SLC7A2: variants seen among roughly 807,000 people sequenced by gnomAD.
The protein encoded by SLC7A2 is cationic amino acid transporter 2.
In SLC7A2, 48 loss-of-function variants were observed where a neutral mutation model predicts 58.9. That is an observed-to-expected ratio of 0.82 (90% CI 0.65 to 1.04). SLC7A2 has a LOEUF of 1.04. Ranked by LOEUF, SLC7A2 falls within the 50% of genes least tolerant of loss-of-function variation. The probability of loss-of-function intolerance (pLI) is 0.00; values close to 1 mark genes in which losing one functional copy is unlikely to be tolerated. For synonymous variants in SLC7A2, 363 were observed against 314.5 expected (o/e 1.15, Z -1.63); for missense variants, 1,029 against 818.8 (o/e 1.26, Z -3.13).
At chr8:17,499,365 C>G (rs892708355) in intron 1 of SLC7A2, 6 of 148,978 alleles carry the variant, frequency 4.0e-5, no homozygotes, top group African/African-American at 1.5e-4. Context: ...CTCCCCCTCT[C>G]TCCCTCATTT....
chr8:17,562,979 AAAC>A (rs1803091674), intron 11 of SLC7A2, among the ~76,000 whole-genome samples: 2 of 152,060 alleles, frequency 1.3e-5, no homozygotes, highest in South Asian at 2.1e-4. Flanking sequence ...CATCTCTACA[AAAC>A]AAACAAACAA....
rs773219573 is a variant in SLC7A2, at chr8:17,543,619, C to T, written c.280C>T (p.Pro94Ser). 1.9e-6 allele frequency: 3 copies of T among 1,597,540 alleles called. No individual in the cohort carries two copies. The highest frequency in any genetic ancestry group is 2.6e-6 in the Non-Finnish European group (3 of 1,172,320). The change falls in exon 3 of 13, where the codon CCC becomes TCC. Residue 94 changes from proline (P) to serine (S), a missense_variant. Physicochemically the swap from Pro to Ser is moderately conservative, Grantham distance 74. Coordinates refer to ENST00000494857, the MANE Select transcript of SLC7A2 (RefSeq NM_001370338.1). ...CTATGCCGAATTTGGGGCCCGTGTTCCCAAGACGGGGTCTGCATATTTGTA... is the reference window on the plus strand; with the variant it reads ...CTATGCCGAATTTGGGGCCCGTGTTTCCAAGACGGGGTCTGCATATTTGTA... ...LCYAEFGARV[P>S]KTGSAYLYTY...
chr8:17,541,181 A>G (rs909926058), intron 2 of SLC7A2, among the ~76,000 whole-genome samples: 1 of 152,208 alleles, frequency 6.6e-6, no homozygotes, highest in Admixed American at 6.5e-5. Context: ...GAAGCTCAGC[A>G]TTTAGTAACT....
intron 2 of SLC7A2, among the ~76,000 whole-genome samples, chr8:17,522,267 G>C (rs1801044378): frequency 6.6e-6 from 1 of 152,100 alleles, no homozygotes. Flanking sequence ...AATCTCGTGA[G>C]ACTTATTAAC....
At chr8:17,509,496 G>C (rs548408518) in intron 2 of SLC7A2, among the ~76,000 whole-genome samples, 1 of 152,120 alleles carries the variant, frequency 6.6e-6, no homozygotes, top group Non-Finnish European at 1.5e-5. Context: ...AGTAGAGACA[G>C]GGTTTCATCG....
chr8:17,522,221 A>G (rs1189645467), intron 2 of SLC7A2, among the ~76,000 whole-genome samples: 2 of 152,232 alleles, frequency 1.3e-5, no homozygotes, highest in Non-Finnish European at 2.9e-5. Context: ...GAGAATGAGA[A>G]CCAAGTAAAA....
Position 17,567,430 on chromosome 8 carries a change from C to G in SLC7A2, c.*2284C>G, listed in dbSNP as rs1803314085. 6.6e-6 allele frequency: 1 copy of G among 152,554 alleles called. No homozygotes were observed. The highest frequency in any genetic ancestry group is 2.4e-5 in the African/African-American group (1 of 41,402). 9.5% of individuals were successfully genotyped at this position (152,554 alleles called of 1,614,324 possible). Reference sequence around the variant, plus strand: ...AGAATTTAGTGAAAAATTATTTTTCCACATTGAAACACTTTGCAGACACAA... The same window carrying G: ...AGAATTTAGTGAAAAATTATTTTTCGACATTGAAACACTTTGCAGACACAA... On this transcript the variant is annotated 3_prime_UTR_variant, in exon 13 of 13. Coordinates refer to ENST00000494857, the MANE Select transcript of SLC7A2 (RefSeq NM_001370338.1).
intron 4 of SLC7A2, among the ~76,000 whole-genome samples, chr8:17,547,560 C>G (rs935033285): frequency 3.9e-5 from 6 of 152,134 alleles, no homozygotes; most frequent in Admixed American, 3.9e-4. Context: ...CAGTCCATAT[C>G]TTTGATGCAG....
chr8:17,524,691 A>G (rs1296578044), intron 2 of SLC7A2, among the ~76,000 whole-genome samples: 1 of 152,100 alleles, frequency 6.6e-6, no homozygotes, highest in Non-Finnish European at 1.5e-5. Flanking sequence ...ATAAAAGACT[A>G]CACACTGGGT....
At chr8:17,520,549 G>A (rs898548603) in intron 2 of SLC7A2, among the ~76,000 whole-genome samples, 3 of 141,666 alleles carry the variant, frequency 2.1e-5, no homozygotes, top group African/African-American at 5.1e-5. Context: ...ATTGAGGCAC[G>A]AGAATTGCTT....
chr8:17,563,807 T>TC (rs1196915691), intron 12 of SLC7A2, 96 bp downstream of exon 12: 21 of 741,472 alleles, frequency 2.8e-5, no homozygotes, highest in African/African-American at 5.3e-5. Flanking sequence ...GGCTTTTTTT[T>TC]CCCGCTTCTT....
At chr8:17,506,625 G>A (rs1292184789) in intron 2 of SLC7A2, among the ~76,000 whole-genome samples, 1 of 152,238 alleles carries the variant, frequency 6.6e-6, no homozygotes, top group Non-Finnish European at 1.5e-5. Flanking sequence ...CTGAGATCTT[G>A]AGAGGTGTAA....
At chr8:17,545,088 A>G (rs1207845555) in intron 4 of SLC7A2, among the ~76,000 whole-genome samples, 4 of 152,206 alleles carry the variant, frequency 2.6e-5, no homozygotes, top group Admixed American at 2.6e-4. Flanking sequence ...TAATGTCGAC[A>G]TTATATAGGC....
Position 17,559,629 on chromosome 8 carries a change from A to G in SLC7A2, c.1299-699A>G, listed in dbSNP as rs112992757. ...CAGATCTCATGAGAACTCACTTGCT[A>G]TCATGAGAACAGCATGAGGGTAACC... On this transcript the variant is annotated intron_variant, in intron 9 of 12. Transcript: ENST00000494857. 5.3e-5 allele frequency among the ~76,000 whole-genome samples: 8 copies of G among 152,300 alleles called. 1 individual carries two copies. In the South Asian group the frequency reaches 6.2e-4, roughly 12 times the overall value.
In SLC7A2 at chr8:17,548,846, A is replaced by T. The variant is rs1479652272; in HGVS notation, c.698+3A>T. 1 of 1,504,850 alleles carries T rather than the reference A, an allele frequency of 6.6e-7. No homozygotes were observed. The highest frequency in any genetic ancestry group is 2.0e-5 in the African/African-American group (1 of 50,538). The allele number at this position is 1,504,850 out of a possible 1,614,324, so 93.2% of individuals were successfully genotyped here. A position where few individuals can be genotyped will look rare whatever the true frequency, so the allele number is the denominator to read the frequency against. ...AAAAATATATCAGCAAGTGCCAGGT[A>T]AAATATTTGAGGTTTTTTTTTTTCT... is the stretch of plus-strand genomic sequence containing the variant. On this transcript the variant is annotated splice_donor_region_variant and intron_variant, in intron 5 of 12. Transcript: ENST00000494857.
intron 8 of SLC7A2, among the ~76,000 whole-genome samples, chr8:17,555,283 C>A (rs1379958148): frequency 1.3e-5 from 2 of 151,638 alleles, no homozygotes; most frequent in Non-Finnish European, 2.9e-5. Flanking sequence ...CTTAATTGAC[C>A]CTTTGGGATT....
intron 2 of SLC7A2, among the ~76,000 whole-genome samples, chr8:17,517,346 G>A (rs1258699701): frequency 3.3e-5 from 5 of 152,176 alleles, no homozygotes; most frequent in African/African-American, 1.2e-4. Flanking sequence ...TCTGAAATGT[G>A]TTTTGAATTC....
chr8:17,526,406 T>G (rs865958899), intron 2 of SLC7A2, among the ~76,000 whole-genome samples: 1 of 152,092 alleles, frequency 6.6e-6, no homozygotes, highest in Non-Finnish European at 1.5e-5. Context: ...GCTTTTGTCT[T>G]TACACAAAGA....
At chr8:17,517,405 T>C (rs1173881602) in intron 2 of SLC7A2, among the ~76,000 whole-genome samples, 1 of 152,144 alleles carries the variant, frequency 6.6e-6, no homozygotes, top group East Asian at 1.9e-4. Flanking sequence ...AGCCCAGAGA[T>C]GGGTTAGAAA....
Sources: gnomAD v4.1 joint callset for allele counts (sites outside exome capture counted in the v4.1 genomes callset) on GRCh38, gnomAD v4.1.1 for gene constraint, MANE v1.5 for transcripts, NCBI Gene and HGNC (gene_info 2026-07-23, HGNC 2026-07-21) for gene names.